Variants in TXNL1 observed in about 807,000 individuals in gnomAD.
The protein encoded by TXNL1 is thioredoxin-like protein 1.
In TXNL1, 14 loss-of-function variants were observed where a neutral mutation model predicts 35.5. The ratio of observed to expected loss-of-function variants is 0.39; its 90% CI spans 0.26 to 0.62. The LOEUF is 0.62. Among genes scored for constraint, TXNL1 ranks in the 20% least tolerant of loss-of-function variants. The pLI, the probability that TXNL1 is intolerant of heterozygous loss-of-function variation, is 0.47. For missense variants in TXNL1, 263 were observed against 349.7 expected, an observed-to-expected ratio of 0.75 and a Z score of 1.98; for synonymous variants, 110 against 115.5, an observed-to-expected ratio of 0.95 and a Z score of 0.31.
chr18:56,630,032 C>T (rs775178478), intron 1 of TXNL1, among the ~76,000 whole-genome samples: 16 of 152,126 alleles, frequency 1.1e-4, no homozygotes, highest in Non-Finnish European at 2.1e-4. Context: ...AACCCCATCT[C>T]GACTAAAAGT....
rs547785246 is a variant in TXNL1 at position 56,617,877 on chromosome 18, C to G, written c.492+127G>C. 1.6e-4 allele frequency: 204 copies of G among 1,249,584 alleles called. No individual in the cohort carries two copies. In the African/African-American group the frequency reaches 2.8e-3, roughly 17 times the overall value. 77.4% of individuals were successfully genotyped at this position (1,249,584 alleles called of 1,614,324 possible). A position where few individuals can be genotyped will look rare whatever the true frequency, so the allele number is the denominator to read the frequency against. On this transcript the variant is annotated intron_variant, in intron 4 of 7. Coordinates refer to ENST00000217515, the MANE Select transcript of TXNL1 (RefSeq NM_004786.3). The stretch of plus-strand genomic sequence containing the variant: ...AAACAAAAGTCAAAGAAACTAAAAG[C>G]TATAGAAATGAAAGGAAGAAGTGAT...
At chr18:56,624,249 G>A (rs1255153431) in intron 3 of TXNL1, 39 bp downstream of exon 3, 49 of 1,562,588 alleles carry the variant, frequency 3.1e-5, no homozygotes, top group Non-Finnish European at 4.1e-5. Flanking sequence ...ACATGTACAA[G>A]ATATTATACA....
At chr18:56,617,950 G>C (rs1395275584) in intron 4 of TXNL1, 54 bp downstream of exon 4, 10 of 1,592,248 alleles carry the variant, frequency 6.3e-6, no homozygotes, top group African/African-American at 2.7e-5. Flanking sequence ...CAAGAAACAA[G>C]AGCAGGCATA....
At chr18:56,611,333 C>A (rs1176181593) in intron 6 of TXNL1, among the ~76,000 whole-genome samples, 1 of 151,836 alleles carries the variant, frequency 6.6e-6, no homozygotes, top group Non-Finnish European at 1.5e-5. Context: ...AACCCCATCT[C>A]TACTAAAAAC....
At chr18:56,638,124 G>A (rs1409637164) in intron 1 of TXNL1, among the ~76,000 whole-genome samples, 1 of 152,208 alleles carries the variant, frequency 6.6e-6, no homozygotes, top group Non-Finnish European at 1.5e-5. Flanking sequence ...CTGAGCTGGA[G>A]AAGCCGGCCA....
intron 7 of TXNL1, among the ~76,000 whole-genome samples, chr18:56,603,441 C>T (rs551475599): frequency 2.0e-5 from 3 of 152,124 alleles, no homozygotes; most frequent in Admixed American, 6.5e-5. Context: ...GAATTAGAAG[C>T]GTATGTTAAA....
chr18:56,631,219 G>A (rs976938580), intron 1 of TXNL1, among the ~76,000 whole-genome samples: 17 of 152,108 alleles, frequency 1.1e-4, no homozygotes, highest in African/African-American at 4.1e-4. Context: ...TCCTTAACAG[G>A]AGCAGTTGAG....
chr18:56,626,495 G>A (rs1568107182), intron 1 of TXNL1, 38 bp from the exon 2 acceptor site: 2 of 1,529,034 alleles, frequency 1.3e-6, no homozygotes, highest in Non-Finnish European at 1.8e-6. Flanking sequence ...TAACACTAAA[G>A]ATTGTAATTC....
intron 6 of TXNL1, among the ~76,000 whole-genome samples, chr18:56,612,158 C>T (rs545026667): frequency 1.7e-4 from 26 of 151,444 alleles, no homozygotes; most frequent in East Asian, 3.9e-4. Context: ...TGAGCCACCG[C>T]GCCCAGCAAT....
chr18:56,618,922 G>A (rs1322463773), intron 3 of TXNL1, among the ~76,000 whole-genome samples: 1 of 151,936 alleles, frequency 6.6e-6, no homozygotes, highest in African/African-American at 2.4e-5. Flanking sequence ...GAGATAAAAA[G>A]AAAAAGGCCT....
At chr18:56,617,937 G>T in intron 4 of TXNL1, 67 bp downstream of exon 4, 1 of 1,572,580 alleles carries the variant, frequency 6.4e-7, no homozygotes, top group Non-Finnish European at 8.7e-7. Flanking sequence ...CACAAAATGG[G>T]AACAAGAAAC....
In TXNL1 at chr18:56,597,509, T is replaced by C. The variant is rs999302710; in HGVS notation, c.*5518A>G. On this transcript the variant is annotated 3_prime_UTR_variant, in exon 8 of 8. Transcript: ENST00000217515. The stretch of plus-strand genomic sequence containing the variant: ...CTAATTTCAATATCACATTTGAAGA[T>C]GGTGACTGCTCCCTCTTGGATTCAT... 9.2e-5 allele frequency: 14 copies of C among 152,240 alleles called. No individual in the cohort carries two copies. The highest frequency in any genetic ancestry group is 3.1e-4 in the African/African-American group (13 of 41,472). The allele number at this position is 152,240 out of a possible 1,614,324, so 9.4% of individuals were successfully genotyped here.
intron 2 of TXNL1, among the ~76,000 whole-genome samples, chr18:56,625,365 T>C (rs1568106654): frequency 6.6e-6 from 1 of 152,184 alleles, no homozygotes; most frequent in Non-Finnish European, 1.5e-5. Flanking sequence ...GGAAATCTAA[T>C]ATATCCATTT....
chr18:56,616,308 T>A lies in TXNL1; in HGVS notation c.499A>T (p.Ile167Phe). 3.7e-6 allele frequency: 6 copies of A among 1,613,482 alleles called. No homozygotes were observed. Among genetic ancestry groups the A allele is most frequent in the Non-Finnish European group, 5.1e-6 (6 of 1,179,772 alleles). The change falls in exon 5 of 8, where the codon ATT becomes TTT. Residue 167 changes from isoleucine (I) to phenylalanine (F), a missense_variant. Coordinates refer to ENST00000217515, the MANE Select transcript of TXNL1 (RefSeq NM_004786.3). ...LESDCDEQLL[I>F]TVAFNQPVKL... ...ACAGGTTGATTGAATGCCACAGTAATAAGCAGCTGTGAAGATAAGAGTTTC... is the reference window on the plus strand; with the variant it reads ...ACAGGTTGATTGAATGCCACAGTAAAAAGCAGCTGTGAAGATAAGAGTTTC...
intron 1 of TXNL1, among the ~76,000 whole-genome samples, chr18:56,636,282 G>A (rs567143522): frequency 6.6e-6 from 1 of 152,282 alleles, no homozygotes; most frequent in African/African-American, 2.4e-5. Flanking sequence ...AGGTGCTGGA[G>A]AAACTATGCC....
intron 1 of TXNL1, among the ~76,000 whole-genome samples, chr18:56,636,577 T>C (rs1207968330): frequency 6.6e-6 from 1 of 152,146 alleles, no homozygotes; most frequent in Non-Finnish European, 1.5e-5. Context: ...AGAAAAAAAA[T>C]TTTAATTCCA....
At chr18:56,620,355 T>G (rs1204705721) in intron 3 of TXNL1, among the ~76,000 whole-genome samples, 1 of 152,276 alleles carries the variant, frequency 6.6e-6, no homozygotes, top group Non-Finnish European at 1.5e-5. Context: ...GCAGCTTTCT[T>G]TTTTGGTGCA....
Position 56,602,844 on chromosome 18 carries a change from CT to C in TXNL1, c.*182del. 1 of 688,752 alleles carries C rather than the reference CT, an allele frequency of 1.5e-6. No individual in the cohort carries two copies. Among genetic ancestry groups the C allele is most frequent in the Non-Finnish European group, 2.4e-6 (1 of 408,902 alleles). The allele number at this position is 688,752 out of a possible 1,614,324, so 42.7% of individuals were successfully genotyped here. ...AAATTAAGCTTGGCAAAAGTGGTGA[CT>C]TTTATTTACAATTGCATGTGTCAAG... On this transcript the variant is annotated 3_prime_UTR_variant, in exon 8 of 8. Coordinates refer to ENST00000217515, the MANE Select transcript of TXNL1 (RefSeq NM_004786.3).
chr18:56,610,924 G>C, intron 7 of TXNL1, 69 bp downstream of exon 7: 1 of 1,001,682 alleles, frequency 1.0e-6, no homozygotes, highest in South Asian at 1.6e-5. Flanking sequence ...TGTGACAGTT[G>C]AGATACATGA....
Sources: allele counts gnomAD v4.1 joint callset (sites outside exome capture counted in the v4.1 genomes callset), GRCh38; gene constraint gnomAD v4.1.1; transcripts MANE v1.5; gene names NCBI Gene and HGNC (gene_info 2026-07-23, HGNC 2026-07-21).